PCDH15: variants seen among roughly 807,000 people sequenced by gnomAD.
PCDH15 encodes the protein protocadherin related 15.
In PCDH15, 129 loss-of-function variants were observed where a neutral mutation model predicts 178.5. The observed-to-expected ratio is 0.72, with a 90% CI of 0.63 to 0.84. PCDH15 has a LOEUF of 0.84. PCDH15 is among the 40% of genes least tolerant of loss of function. The pLI is 0.00. For synonymous variants in PCDH15, 800 were observed against 732.0 expected, an observed-to-expected ratio of 1.09 and a Z score of -1.50; for missense variants, 2,230 against 2,099.9, an observed-to-expected ratio of 1.06 and a Z score of -1.21.
chr10:54,143,175 C>G (rs4509671), intron 14 of PCDH15, among the ~76,000 whole-genome samples: 96,912 of 151,944 alleles, frequency 0.64, 32,381 homozygotes, highest in East Asian at 0.9. Flanking sequence ...TGAGGTGGTG[C>G]TAAGTTTCCT....
At chr10:54,765,443 C>T (rs1948391882) in intron 1 of PCDH15, among the ~76,000 whole-genome samples, 1 of 152,032 alleles carries the variant, frequency 6.6e-6, no homozygotes, top group South Asian at 2.1e-4. Flanking sequence ...AAAATGATGT[C>T]AAGAAAAAAC....
chr10:54,796,280 A>ATCTATC (rs1951987562), intron 1 of PCDH15, among the ~76,000 whole-genome samples: 2 of 100,582 alleles, frequency 2.0e-5, no homozygotes, highest in African/African-American at 4.1e-5. Flanking sequence ...CTATGTATCT[A>ATCTATC]TGTATCTATC....
intron 2 of PCDH15, among the ~76,000 whole-genome samples, chr10:55,501,940 T>C (rs995060591): frequency 6.6e-6 from 1 of 151,746 alleles, no homozygotes; most frequent in African/African-American, 2.4e-5. Flanking sequence ...ACTTACTATA[T>C]AGCCAAATTT....
intron 2 of PCDH15, among the ~76,000 whole-genome samples, chr10:55,541,861 C>T (rs1273924261): frequency 2.6e-5 from 4 of 151,816 alleles, no homozygotes; most frequent in Admixed American, 2.0e-4. Flanking sequence ...CCACCTCTCT[C>T]AGAAGCAGCG....
At chr10:54,390,868 T>C (rs1302320376) in intron 3 of PCDH15, among the ~76,000 whole-genome samples, 1 of 152,196 alleles carries the variant, frequency 6.6e-6, no homozygotes, top group Non-Finnish European at 1.5e-5. Flanking sequence ...TTCACCATTA[T>C]CATTTTCCCA....
At chr10:54,145,579 G>A (rs1016030742) in intron 14 of PCDH15, among the ~76,000 whole-genome samples, 1 of 152,008 alleles carries the variant, frequency 6.6e-6, no homozygotes, top group Admixed American at 6.6e-5. Flanking sequence ...AAACTTTTCT[G>A]GAGAAGTTAC....
intron 1 of PCDH15, among the ~76,000 whole-genome samples, chr10:54,747,957 C>A (rs905596997): frequency 2.6e-5 from 4 of 152,094 alleles, no homozygotes; most frequent in African/African-American, 9.7e-5. Flanking sequence ...AGGCGCCCGC[C>A]ACCACGCCCG....
intron 18 of PCDH15, 85 bp from the exon 19 acceptor site, chr10:54,023,282 G>T: frequency 7.4e-7 from 1 of 1,342,474 alleles, no homozygotes; most frequent in Non-Finnish European, 1.0e-6. Context: ...ACAAATTATG[G>T]TATTTTTCTA....
At chr10:54,957,932 A>G (rs1253824243) in intron 2 of PCDH15, among the ~76,000 whole-genome samples, 1 of 151,638 alleles carries the variant, frequency 6.6e-6, no homozygotes, top group African/African-American at 2.4e-5. Context: ...TACGAAAGCA[A>G]AAGGATGCCT....
In PCDH15 at chr10:55,233,140, A is replaced by G. The variant is rs532946730; in HGVS notation, c.-155-66489T>C. Among the ~76,000 whole-genome samples the G allele has an allele frequency of 1.4e-4, 22 of 152,218 alleles. No homozygotes were observed. The South Asian group carries it at 1.9e-3, about 13-fold the overall frequency. On this transcript the variant is annotated intron_variant, in intron 1 of 5. Transcript: ENST00000458638. Reference sequence around the variant, plus strand: ...TTATAGAGATAAAAATATGGTATCTATACTACTTCTATATTAACTAAAAAT... The same window carrying G: ...TTATAGAGATAAAAATATGGTATCTGTACTACTTCTATATTAACTAAAAAT...
At chr10:55,524,964 A>C (rs944018644) in intron 2 of PCDH15, among the ~76,000 whole-genome samples, 4 of 151,856 alleles carry the variant, frequency 2.6e-5, no homozygotes, top group African/African-American at 4.8e-5. Context: ...GACTTCCATT[A>C]AGTAGTAATT....
At chr10:55,369,558 T>A (rs761080486) in intron 2 of PCDH15, among the ~76,000 whole-genome samples, 30 of 152,108 alleles carry the variant, frequency 2.0e-4, no homozygotes, top group Non-Finnish European at 3.2e-4. Flanking sequence ...TGCACCAGAC[T>A]ATACAAATAC....
At chr10:55,348,432 G>T (rs943022412) in intron 2 of PCDH15, among the ~76,000 whole-genome samples, 1 of 151,806 alleles carries the variant, frequency 6.6e-6, no homozygotes, top group South Asian at 2.1e-4. Context: ...TAATAACGAG[G>T]CCCTAATGCT....
At chr10:54,500,196 C>G (rs2080532082) in intron 3 of PCDH15, among the ~76,000 whole-genome samples, 1 of 152,010 alleles carries the variant, frequency 6.6e-6, no homozygotes, top group African/African-American at 2.4e-5. Flanking sequence ...ACCACAGAAA[C>G]AGAAAATCAA....
At chr10:54,921,692 A>G (rs1219406835) in intron 2 of PCDH15, among the ~76,000 whole-genome samples, 2 of 152,196 alleles carry the variant, frequency 1.3e-5, no homozygotes, top group African/African-American at 2.4e-5. Flanking sequence ...ATAGTATTCC[A>G]TAATGTTTAT....
chr10:54,377,136 T>C (rs1328583164), intron 4 of PCDH15, among the ~76,000 whole-genome samples: 1 of 152,042 alleles, frequency 6.6e-6, no homozygotes, highest in African/African-American at 2.4e-5. Flanking sequence ...TTAATAAGTA[T>C]TATAAATATA....
At chr10:54,102,830 C>T (rs545020223) in intron 15 of PCDH15, among the ~76,000 whole-genome samples, 13 of 152,164 alleles carry the variant, frequency 8.5e-5, no homozygotes, top group Non-Finnish European at 1.6e-4. Flanking sequence ...AAGACAGATC[C>T]GAGCTGAAAC....
intron 2 of PCDH15, among the ~76,000 whole-genome samples, chr10:55,384,803 A>G (rs745342641): frequency 1.3e-5 from 2 of 152,156 alleles, no homozygotes; most frequent in Non-Finnish European, 2.9e-5. Context: ...CTTTACTGTA[A>G]TAATTCATTA....
chr10:55,136,698 G>T (rs997345555), intron 2 of PCDH15, among the ~76,000 whole-genome samples: 1 of 152,136 alleles, frequency 6.6e-6, no homozygotes, highest in Non-Finnish European at 1.5e-5. Context: ...GCCAAATTTC[G>T]TGAAAAACTA....
Sources: gnomAD v4.1 joint callset for allele counts (sites outside exome capture counted in the v4.1 genomes callset) on GRCh38, gnomAD v4.1.1 for gene constraint, MANE v1.5 for transcripts, NCBI Gene and HGNC (gene_info 2026-07-23, HGNC 2026-07-21) for gene names.